ROBO2: variants seen among roughly 807,000 people sequenced by gnomAD.
The protein encoded by ROBO2 is roundabout guidance receptor 2, also known as roundabout homolog 2.
Under a neutral mutation model 160.8 loss-of-function variants are expected in ROBO2, and 53 were observed. The ratio of observed to expected loss-of-function variants is 0.33; its 90% CI spans 0.26 to 0.41. The LOEUF is 0.41. Ranked by LOEUF, ROBO2 falls within the 10% of genes least tolerant of loss-of-function variation. The probability of loss-of-function intolerance (pLI) is 1.00; values close to 1 mark genes in which losing one functional copy is unlikely to be tolerated. For synonymous variants in ROBO2, 664 were observed against 611.7 expected, an observed-to-expected ratio of 1.09 and a Z score of -1.26; for missense variants, 1,577 against 1,722.4, an observed-to-expected ratio of 0.92 and a Z score of 1.49.
intron 2 of ROBO2, among the ~76,000 whole-genome samples, chr3:76,741,678 T>A (rs1158990896): frequency 6.8e-6 from 1 of 147,582 alleles, no homozygotes; most frequent in Non-Finnish European, 1.5e-5. Context: ...TTTACTTATT[T>A]ATAAGAATAC....
At chr3:77,119,861 T>C (rs1352990649) in intron 2 of ROBO2, among the ~76,000 whole-genome samples, 2 of 152,222 alleles carry the variant, frequency 1.3e-5, no homozygotes, top group South Asian at 2.1e-4. Context: ...TGTGAGCACA[T>C]TGACATTGTC....
intron 2 of ROBO2, among the ~76,000 whole-genome samples, chr3:77,292,966 C>A (rs1471363202): frequency 7.0e-6 from 1 of 142,890 alleles, no homozygotes; most frequent in African/African-American, 2.6e-5. Context: ...GGCTAGATCA[C>A]CAAAGACATT....
chr3:75,968,583 T>C (rs1416339143), intron 2 of ROBO2, among the ~76,000 whole-genome samples: 1 of 151,518 alleles, frequency 6.6e-6, no homozygotes, highest in Non-Finnish European at 1.5e-5. Context: ...TATTTTTATG[T>C]GATTGGCAAG....
At chr3:77,501,634 A>G (rs2087624125) in intron 5 of ROBO2, among the ~76,000 whole-genome samples, 1 of 147,628 alleles carries the variant, frequency 6.8e-6, no homozygotes. Flanking sequence ...CTGTCCTCAA[A>G]TTCTGAAAAA....
intron 2 of ROBO2, among the ~76,000 whole-genome samples, chr3:76,164,856 G>A (rs1005516193): frequency 2.6e-5 from 1 of 38,264 alleles, no homozygotes; most frequent in African/African-American, 5.2e-5. Context: ...CCTGGGGCCT[G>A]GCTGGGACTG....
intron 2 of ROBO2, among the ~76,000 whole-genome samples, chr3:76,341,800 C>T (rs138533111): frequency 6.6e-4 from 100 of 152,106 alleles, no homozygotes; most frequent in African/African-American, 2.2e-3. Context: ...TAAAATGGGA[C>T]GTAAAAAAAG....
At chr3:76,664,791 A>C (rs1378810595) in intron 2 of ROBO2, among the ~76,000 whole-genome samples, 2 of 152,188 alleles carry the variant, frequency 1.3e-5, no homozygotes, top group Non-Finnish European at 2.9e-5. Flanking sequence ...AGTTGAATGG[A>C]ATAAAGTGAA....
chr3:76,946,494 G>A (rs554615495), intron 2 of ROBO2, among the ~76,000 whole-genome samples: 73 of 152,106 alleles, frequency 4.8e-4, no homozygotes, highest in Non-Finnish European at 1.0e-3. Context: ...CTGGAGTGCA[G>A]TGGTGCTATC....
At chr3:77,555,629 T>TTCCTAATTGG (rs1460259537) in intron 8 of ROBO2, among the ~76,000 whole-genome samples, 2 of 152,000 alleles carry the variant, frequency 1.3e-5, no homozygotes, top group Non-Finnish European at 2.9e-5. Flanking sequence ...TAATCAGCAT[T>TTCCTAATTGG]CTGTGAATAG....
intron 20 of ROBO2, among the ~76,000 whole-genome samples, chr3:77,603,329 A>G (rs1013298099): frequency 3.3e-5 from 5 of 152,230 alleles, no homozygotes; most frequent in African/African-American, 1.2e-4. Context: ...GAACGAGTAA[A>G]GAGAATTTTA....
intron 2 of ROBO2, among the ~76,000 whole-genome samples, chr3:76,374,585 GA>G (rs35613177): frequency 7.9e-5 from 12 of 151,816 alleles, no homozygotes; most frequent in Admixed American, 4.6e-4. Context: ...GATTATCAGA[GA>G]AAAAAACTCC....
At chr3:77,603,876 C>CA (rs1371378449) in intron 20 of ROBO2, 1 of 152,044 alleles carries the variant, frequency 6.6e-6, no homozygotes, top group East Asian at 1.9e-4. Context: ...TCCATGACCC[C>CA]ACTTGTTTAA....
chr3:77,510,505 A>T (rs2089257186), intron 5 of ROBO2, among the ~76,000 whole-genome samples: 1 of 152,020 alleles, frequency 6.6e-6, no homozygotes. Flanking sequence ...CCAAAGAGAG[A>T]TGGAGACAAT....
Position 77,642,654 on chromosome 3 carries a change from T to G in ROBO2, c.3935-2050T>G. 1 of 451,600 alleles carries G rather than the reference T, an allele frequency of 2.2e-6. No individual in the cohort carries two copies. Among genetic ancestry groups the G allele is most frequent in the Non-Finnish European group, 4.4e-6 (1 of 225,592 alleles). 28.0% of individuals were successfully genotyped at this position (451,600 alleles called of 1,614,324 possible). A position where few individuals can be genotyped will look rare whatever the true frequency, so the allele number is the denominator to read the frequency against. Reference sequence around the variant, plus strand: ...ATTAAATTTTAGTCCATTCTAAACATTATTCAAAATTTTTAGATCTTCCAC... The same window carrying G: ...ATTAAATTTTAGTCCATTCTAAACAGTATTCAAAATTTTTAGATCTTCCAC... On this transcript the variant is annotated intron_variant, in intron 24 of 25. Transcript: ENST00000461745.
At chr3:77,336,690 A>T (rs1334704133) in intron 2 of ROBO2, among the ~76,000 whole-genome samples, 3 of 152,206 alleles carry the variant, frequency 2.0e-5, no homozygotes, top group Non-Finnish European at 4.4e-5. Flanking sequence ...AGCAGATACA[A>T]CCTTGTATGG....
rs535348379 is a variant in ROBO2, at chr3:77,293,673, G to A, written c.389-183741G>A. On this transcript the variant is annotated intron_variant, in intron 2 of 25. Coordinates refer to ENST00000461745, the Ensembl canonical transcript of ROBO2. The stretch of plus-strand genomic sequence containing the variant: ...GATCACCCAGACATAAAGTAAAATT[G>A]ATGGTTAAATGGGAAGTTGAGGCTA... Among the ~76,000 whole-genome samples the A allele has an allele frequency of 1.4e-4, 19 of 139,458 alleles. 1 individual carries two copies. Among genetic ancestry groups the A allele is most frequent in the Non-Finnish European group, 2.3e-4 (15 of 66,026 alleles). The allele number at this position is 139,458 out of a possible 152,430, so 91.5% of individuals were successfully genotyped here.
intron 2 of ROBO2, among the ~76,000 whole-genome samples, chr3:76,152,014 T>G (rs1057215496): frequency 1.3e-5 from 2 of 152,226 alleles, no homozygotes; most frequent in Non-Finnish European, 2.9e-5. Flanking sequence ...CCACTGATCT[T>G]GAAAAGTTTA....
chr3:76,698,357 CAG>C (rs1335483292), intron 2 of ROBO2, among the ~76,000 whole-genome samples: 1 of 152,110 alleles, frequency 6.6e-6, no homozygotes, highest in East Asian at 1.9e-4. Flanking sequence ...TGATAAAAAG[CAG>C]AGTGAGGATA....
intron 2 of ROBO2, among the ~76,000 whole-genome samples, chr3:77,288,876 C>A (rs1050153160): frequency 8.5e-5 from 13 of 152,144 alleles, no homozygotes; most frequent in East Asian, 7.7e-4. Flanking sequence ...TTTACCAGTA[C>A]AATCACATCT....
Sources: gnomAD v4.1 joint callset for allele counts (sites outside exome capture counted in the v4.1 genomes callset) on GRCh38, gnomAD v4.1.1 for gene constraint, MANE v1.5 for transcripts, NCBI Gene and HGNC (gene_info 2026-07-23, HGNC 2026-07-21) for gene names.